The following PCBP3 variants were observed in gnomAD, a reference collection of about 807,000 sequenced individuals.
The protein encoded by PCBP3 is poly(rC) binding protein 3.
PCBP3 carries 25 observed loss-of-function variants against 52.7 expected under a neutral mutation model. The observed-to-expected ratio is 0.47, with a 90% CI of 0.35 to 0.66. The LOEUF is 0.66. PCBP3 is among the 30% of genes least tolerant of loss of function. The pLI is 0.01. For synonymous variants in PCBP3, 162 were observed against 183.0 expected, an observed-to-expected ratio of 0.89 and a Z score of 0.93; for missense variants, 391 against 490.3, an observed-to-expected ratio of 0.80 and a Z score of 1.91.
chr21:45,706,672 T>C (rs1432420197), intron 2 of PCBP3, among the ~76,000 whole-genome samples: 2 of 151,934 alleles, frequency 1.3e-5, no homozygotes, highest in African/African-American at 4.8e-5. Context: ...CATGAGGAGG[T>C]CTTTCAGCAT....
rs556480658 is a variant in PCBP3, at chr21:45,902,831, G to A, written c.339+1718G>A. 9.2e-5 allele frequency among the ~76,000 whole-genome samples: 14 copies of A among 152,338 alleles called. No individual in the cohort carries two copies. In the East Asian group the frequency reaches 1.7e-3, roughly 19 times the overall value. On this transcript the variant is annotated intron_variant, in intron 9 of 17. Transcript: ENST00000681687. ...AACTGGAGAAAAGCAATCACCCACCGCTGCTTGTGCCAACACGTCTTCCAC... is the reference window on the plus strand; with the variant it reads ...AACTGGAGAAAAGCAATCACCCACCACTGCTTGTGCCAACACGTCTTCCAC...
intron 2 of PCBP3, among the ~76,000 whole-genome samples, chr21:45,673,043 A>C (rs778468760): frequency 2.6e-5 from 4 of 152,242 alleles, no homozygotes; most frequent in Non-Finnish European, 5.9e-5. Context: ...CGGTTTCACC[A>C]AATGACATGC....
Position 45,773,246 on chromosome 21 carries a change from T to C in PCBP3, c.-126+17794T>C, listed in dbSNP as rs74708912. 5.0e-3 allele frequency among the ~76,000 whole-genome samples: 760 copies of C among 152,300 alleles called. 12 individuals carry two copies. The highest frequency in any genetic ancestry group is 0.018 in the African/African-American group (731 of 41,572). ...TAAGTATTTTTATAGTTTCAGGTCTTACAGTTAAGTATTTTTATAGTTTCA... is the reference window on the plus strand; with the variant it reads ...TAAGTATTTTTATAGTTTCAGGTCTCACAGTTAAGTATTTTTATAGTTTCA... On this transcript the variant is annotated intron_variant, in intron 4 of 17. Transcript: ENST00000681687.
chr21:45,832,100 G>T (rs1377707969), intron 4 of PCBP3, among the ~76,000 whole-genome samples: 2 of 152,312 alleles, frequency 1.3e-5, no homozygotes, highest in East Asian at 1.9e-4. Context: ...CATTTTTATG[G>T]TTCTTGATTG....
intron 5 of PCBP3, chr21:45,872,375 C>T (rs1202780047): frequency 6.6e-6 from 1 of 152,216 alleles, no homozygotes; most frequent in Non-Finnish European, 1.5e-5. Flanking sequence ...CCTCCTGTGA[C>T]CATTTGCTGT....
intron 5 of PCBP3, among the ~76,000 whole-genome samples, chr21:45,894,753 A>T (rs1283995486): frequency 6.6e-6 from 1 of 152,264 alleles, no homozygotes; most frequent in Non-Finnish European, 1.5e-5. Flanking sequence ...TGAAAAAGGC[A>T]CATGTGGCTG....
intron 17 of PCBP3, among the ~76,000 whole-genome samples, chr21:45,940,424 C>T (rs8133858): frequency 0.26 from 39,170 of 152,124 alleles, 5,322 homozygotes; most frequent in Middle Eastern, 0.39. Flanking sequence ...CCACCCGAAG[C>T]GTCTCCAGGG....
rs533096835 is a variant in PCBP3, at chr21:45,735,831, G to A, written c.-162+402G>A. On this transcript the variant is annotated intron_variant, in intron 3 of 17. Transcript: ENST00000681687. The surrounding 1 kb of genome is among the most constrained non-coding windows in gnomAD (Gnocchi z 4.0). ...TGTTCTTGTGCCAACAGTGCCCACT[G>A]CCCGGTAGTGCCTGTGTGTGCGGTG... 1.8e-4 allele frequency among the ~76,000 whole-genome samples: 28 copies of A among 152,276 alleles called. No homozygotes were observed. The highest frequency in any genetic ancestry group is 6.7e-4 in the African/African-American group (28 of 41,554).
intron 13 of PCBP3, among the ~76,000 whole-genome samples, chr21:45,926,030 G>A (rs534277882): frequency 6.6e-6 from 1 of 152,164 alleles, no homozygotes; most frequent in Non-Finnish European, 1.5e-5. Flanking sequence ...TCACATACCA[G>A]CCCATAAAGC....
chr21:45,814,709 A>G (rs1380999769), intron 4 of PCBP3, among the ~76,000 whole-genome samples: 1 of 76,242 alleles, frequency 1.3e-5, no homozygotes, highest in African/African-American at 5.5e-5. Context: ...ATGAGTGGTG[A>G]GTGATGAGTG....
intron 4 of PCBP3, among the ~76,000 whole-genome samples, chr21:45,835,698 C>T (rs1259603215): frequency 1.3e-5 from 2 of 152,190 alleles, no homozygotes; most frequent in African/African-American, 2.4e-5. Flanking sequence ...GGCCTGGACC[C>T]TGGCTCTGGC....
At chr21:45,792,197 A>G (rs1375894153) in intron 4 of PCBP3, among the ~76,000 whole-genome samples, 1 of 152,292 alleles carries the variant, frequency 6.6e-6, no homozygotes, top group African/African-American at 2.4e-5. Flanking sequence ...TTGTGTTTCC[A>G]GCCTTTATTT....
intron 3 of PCBP3, among the ~76,000 whole-genome samples, chr21:45,743,980 G>T (rs2086639484): frequency 6.6e-6 from 1 of 151,904 alleles, no homozygotes; most frequent in Admixed American, 6.5e-5. Flanking sequence ...TTTGGAGACT[G>T]ATTTTTTAGT....
intron 4 of PCBP3, among the ~76,000 whole-genome samples, chr21:45,774,388 CA>C (rs902926846): frequency 0.011 from 1,226 of 108,660 alleles, 7 homozygotes; most frequent in African/African-American, 0.03. Flanking sequence ...GACTCCATCT[CA>C]AAAAAAAAAA....
At chr21:45,740,968 A>G (rs1395879392) in intron 3 of PCBP3, among the ~76,000 whole-genome samples, 30 of 152,154 alleles carry the variant, frequency 2.0e-4, no homozygotes, top group Non-Finnish European at 1.3e-4. Context: ...GCCCTCTCCT[A>G]CCCAGTCTGG....
At chr21:45,935,994 A>G (rs1287980941) in intron 16 of PCBP3, among the ~76,000 whole-genome samples, 1 of 152,238 alleles carries the variant, frequency 6.6e-6, no homozygotes, top group East Asian at 1.9e-4. Context: ...CAGCAAGCAG[A>G]GTCCCTGTGT....
At chr21:45,855,052 G>T (rs1206131537) in intron 5 of PCBP3, among the ~76,000 whole-genome samples, 1 of 152,180 alleles carries the variant, frequency 6.6e-6, no homozygotes, top group Non-Finnish European at 1.5e-5. Flanking sequence ...GCAGCCTTAT[G>T]GCGACAATAG....
rs772588831 is a variant in PCBP3, at chr21:45,941,935, T to TA, written c.*230dup. 4 of 424,866 alleles carry TA rather than the reference T, an allele frequency of 9.4e-6. No homozygotes were observed. Among genetic ancestry groups the TA allele is most frequent in the Admixed American group, 4.4e-5 (1 of 22,820 alleles). 26.3% of individuals were successfully genotyped at this position (424,866 alleles called of 1,614,324 possible). A position where few individuals can be genotyped will look rare whatever the true frequency, so the allele number is the denominator to read the frequency against. ...CCTCAGTGTTATTTTATTTATGACT[T>TA]ACGCTCCCGTCTGCCCATGCACCGG... On this transcript the variant is annotated 3_prime_UTR_variant, in exon 18 of 18. Coordinates refer to ENST00000681687, the MANE Select transcript of PCBP3 (RefSeq NM_001384156.1).
At chr21:45,782,397 G>A (rs764247075) in intron 4 of PCBP3, among the ~76,000 whole-genome samples, 1 of 151,998 alleles carries the variant, frequency 6.6e-6, no homozygotes, top group Non-Finnish European at 1.5e-5. Context: ...TATAGGATCT[G>A]AAATTAATAA....
Sources: gnomAD v4.1 joint callset for allele counts (sites outside exome capture counted in the v4.1 genomes callset) on GRCh38, gnomAD v4.1.1 for gene constraint, Gnocchi (gnomAD v3.1) non-coding constraint, MANE v1.5 for transcripts, NCBI Gene and HGNC (gene_info 2026-07-23, HGNC 2026-07-21) for gene names.